CNBD1: variants seen among roughly 807,000 people sequenced by gnomAD.
CNBD1 encodes cyclic nucleotide-binding domain-containing protein 1.
In CNBD1, 71 loss-of-function variants were observed where a neutral mutation model predicts 54.4. The observed-to-expected ratio is 1.30, with a 90% CI of 1.08 to 1.59. The LOEUF is 1.59. Among genes scored for constraint, CNBD1 ranks in the 40% most tolerant of loss-of-function variants. CNBD1 has a pLI of 0.00. For synonymous variants in CNBD1, 182 were observed against 170.7 expected, an observed-to-expected ratio of 1.07 and a Z score of -0.51; for missense variants, 659 against 518.0, an observed-to-expected ratio of 1.27 and a Z score of -2.64.
chr8:86,997,797 C>A (rs1808908265), intron 4 of CNBD1, among the ~76,000 whole-genome samples: 1 of 151,932 alleles, frequency 6.6e-6, no homozygotes, highest in African/African-American at 2.4e-5. Flanking sequence ...TTCCTTCAGA[C>A]CCAGCGGGTG....
intron 1 of CNBD1, among the ~76,000 whole-genome samples, chr8:86,884,281 C>T (rs568016273): frequency 2.6e-5 from 4 of 152,276 alleles, no homozygotes; most frequent in Admixed American, 2.6e-4. Flanking sequence ...CTTAACCCAC[C>T]CAGTCAATGA....
At chr8:86,929,510 G>A (rs1191762200) in intron 3 of CNBD1, among the ~76,000 whole-genome samples, 2 of 152,140 alleles carry the variant, frequency 1.3e-5, no homozygotes, top group African/African-American at 4.8e-5. Flanking sequence ...ATAGGTTAAG[G>A]TCAGGATTAG....
chr8:87,046,066 A>AG (rs34856224), intron 4 of CNBD1, among the ~76,000 whole-genome samples: 10 of 146,560 alleles, frequency 6.8e-5, no homozygotes, highest in Non-Finnish European at 1.2e-4. Flanking sequence ...AAAAAAAAAA[A>AG]GAGTGCACAG....
Position 87,086,227 on chromosome 8 carries a change from T to G in CNBD1, c.432-119766T>G, listed in dbSNP as rs113712315. ...TTCAATAATACTTTTTAGCTGGGTT[T>G]TTCTTACTGGGTTATAAAGCACCCA... is the stretch of plus-strand genomic sequence containing the variant. On this transcript the variant is annotated intron_variant, in intron 4 of 10. Coordinates refer to ENST00000518476, the MANE Select transcript of CNBD1 (RefSeq NM_173538.3). 2.5e-3 allele frequency among the ~76,000 whole-genome samples: 375 copies of G among 152,328 alleles called. 4 individuals are homozygous for G. Among genetic ancestry groups the G allele is most frequent in the African/African-American group, 8.5e-3 (355 of 41,576 alleles).
At chr8:87,206,745 A>C (rs2130797958) in intron 5 of CNBD1, among the ~76,000 whole-genome samples, 1 of 152,314 alleles carries the variant, frequency 6.6e-6, no homozygotes, top group African/African-American at 2.4e-5. Flanking sequence ...GGCTAGGCAT[A>C]TAATTTAATA....
At chr8:87,306,906 C>T (rs10100909) in intron 8 of CNBD1, among the ~76,000 whole-genome samples, 40,618 of 151,348 alleles carry the variant, frequency 0.27, 6,340 homozygotes, top group Middle Eastern at 0.4. Flanking sequence ...AAATAATTTA[C>T]GGAAAATAAA....
At chr8:86,990,764 C>T (rs1808726764) in intron 4 of CNBD1, among the ~76,000 whole-genome samples, 1 of 152,112 alleles carries the variant, frequency 6.6e-6, no homozygotes, top group Non-Finnish European at 1.5e-5. Context: ...CACATTGAAT[C>T]TATAGATTGC....
chr8:87,245,198 T>C (rs2130833591), intron 6 of CNBD1, among the ~76,000 whole-genome samples: 1 of 152,156 alleles, frequency 6.6e-6, no homozygotes, highest in South Asian at 2.1e-4. Flanking sequence ...ATGTGTGCTG[T>C]AACTAAAAAC....
At chr8:87,368,441 G>C (rs940434188) in intron 10 of CNBD1, among the ~76,000 whole-genome samples, 1 of 151,878 alleles carries the variant, frequency 6.6e-6, no homozygotes. Flanking sequence ...ATGGAGACTA[G>C]ACTGGGCAAC....
intron 5 of CNBD1, among the ~76,000 whole-genome samples, chr8:87,216,839 C>A (rs886969748): frequency 6.6e-6 from 1 of 152,128 alleles, no homozygotes. Context: ...ATCAAAGAGC[C>A]TTCACTAGAA....
intron 3 of CNBD1, among the ~76,000 whole-genome samples, chr8:86,907,991 A>G (rs1809043876): frequency 6.6e-6 from 1 of 152,220 alleles, no homozygotes; most frequent in Admixed American, 6.5e-5. Flanking sequence ...ACTGTAATTC[A>G]TTTAACACAA....
In CNBD1 at chr8:87,265,537, ATAAT is replaced by A. The variant is rs574081446; in HGVS notation, c.772-19139_772-19136del. Among the ~76,000 whole-genome samples, 331 of 152,224 alleles carry A rather than the reference ATAAT, an allele frequency of 2.2e-3. 1 individual carries two copies. The highest frequency in any genetic ancestry group is 2.0e-3 in the Non-Finnish European group (136 of 68,022). Reference sequence around the variant, plus strand: ...ATTTTTCACATAAGATAATGGGATAATAATTTTATAGTTTTTAAAAAATTAAAGT... The same window carrying A: ...ATTTTTCACATAAGATAATGGGATAATTTATAGTTTTTAAAAAATTAAAGT... On this transcript the variant is annotated intron_variant, in intron 6 of 10. Transcript: ENST00000518476.
chr8:87,284,283 CATTTT>C (rs761053075), intron 6 of CNBD1, among the ~76,000 whole-genome samples: 1 of 151,990 alleles, frequency 6.6e-6, no homozygotes, highest in Non-Finnish European at 1.5e-5. Flanking sequence ...TACTGTTTAA[CATTTT>C]ATTCATTTTT....
At chr8:87,186,160 A>T (rs1254072368) in intron 4 of CNBD1, among the ~76,000 whole-genome samples, 1 of 151,996 alleles carries the variant, frequency 6.6e-6, no homozygotes, top group African/African-American at 2.4e-5. Flanking sequence ...TCTAATTTTA[A>T]TTTTTTTCTA....
intron 4 of CNBD1, among the ~76,000 whole-genome samples, chr8:87,195,214 T>C (rs1022875434): frequency 6.8e-6 from 1 of 147,624 alleles, no homozygotes; most frequent in Non-Finnish European, 1.5e-5. Context: ...TTAATTTCTT[T>C]GAGAAAATTG....
chr8:87,107,405 C>T (rs1368657811), intron 4 of CNBD1, among the ~76,000 whole-genome samples: 1 of 152,152 alleles, frequency 6.6e-6, no homozygotes, highest in Non-Finnish European at 1.5e-5. Context: ...CCATCCTGAA[C>T]TCTTTGCTCA....
chr8:87,206,142 A>G lies in CNBD1; in HGVS notation c.577+4A>G, dbSNP rs1813969968. 1 of 1,573,462 alleles carries G rather than the reference A, an allele frequency of 6.4e-7. No individual in the cohort carries two copies. The highest frequency in any genetic ancestry group is 1.9e-5 in the Admixed American group (1 of 52,104). On this transcript the variant is annotated splice_donor_region_variant and intron_variant, in intron 5 of 10. Coordinates refer to ENST00000518476, the MANE Select transcript of CNBD1 (RefSeq NM_173538.3). ...ACCTGGTTGAAAGGCAGCACAGGTAATAGACTAATGTGGGATAAATTTGGC... is the reference window on the plus strand; with the variant it reads ...ACCTGGTTGAAAGGCAGCACAGGTAGTAGACTAATGTGGGATAAATTTGGC...
chr8:87,400,195 C>A (rs1055711986), intron 2 of CNBD1, among the ~76,000 whole-genome samples: 1 of 151,908 alleles, frequency 6.6e-6, no homozygotes, highest in Non-Finnish European at 1.5e-5. Context: ...CCTTTTCTAC[C>A]TAAGTTAACT....
chr8:86,943,378 AAAAAAAAAAAAAG>A (rs1328892953), intron 4 of CNBD1, among the ~76,000 whole-genome samples: 92 of 151,460 alleles, frequency 6.1e-4, no homozygotes, highest in Admixed American at 1.3e-3. Flanking sequence ...AAAAAAAAAA[AAAAAAAAAAAAAG>A]AAATGCAAAG....
Sources: gnomAD v4.1 joint callset for allele counts (sites outside exome capture counted in the v4.1 genomes callset) on GRCh38, gnomAD v4.1.1 for gene constraint, MANE v1.5 for transcripts, NCBI Gene and HGNC (gene_info 2026-07-23, HGNC 2026-07-21) for gene names.